The following DGLUCY variants were observed in gnomAD, a reference collection of about 807,000 sequenced individuals.
DGLUCY encodes D-glutamate cyclase.
In DGLUCY, 58 loss-of-function variants were observed where a neutral mutation model predicts 58.5. That is an observed-to-expected ratio of 0.99 (90% CI 0.80 to 1.23). The LOEUF is 1.23. DGLUCY is among the 50% of genes most tolerant of loss of function. The probability of loss-of-function intolerance (pLI) is 0.00; values close to 1 mark genes in which losing one functional copy is unlikely to be tolerated. For missense variants in DGLUCY, 779 were observed against 784.7 expected (o/e 0.99, Z 0.09); for synonymous variants, 325 against 314.1 (o/e 1.03, Z -0.37).
At chr14:91,156,124 T>A (rs1039754997) in intron 1 of DGLUCY, among the ~76,000 whole-genome samples, 1 of 151,898 alleles carries the variant, frequency 6.6e-6, no homozygotes, top group Non-Finnish European at 1.5e-5. Flanking sequence ...TTCTTTTTTT[T>A]TTTTTTTGAG....
At chr14:91,149,397 A>T (rs1566967159) in intron 1 of DGLUCY, among the ~76,000 whole-genome samples, 1 of 152,082 alleles carries the variant, frequency 6.6e-6, no homozygotes, top group African/African-American at 2.4e-5. Flanking sequence ...AGTGATGGAG[A>T]TGTGTGGAGC....
intron 1 of DGLUCY, among the ~76,000 whole-genome samples, chr14:91,128,496 AC>A (rs2045852661): frequency 6.6e-6 from 1 of 152,060 alleles, no homozygotes. Flanking sequence ...TCTGTCTCAA[AC>A]CAAAAAAATA....
chr14:91,115,426 T>C lies in DGLUCY; in HGVS notation c.-82+1143T>C, dbSNP rs560044168. Reference sequence around the variant, plus strand: ...CATAATTATGAGGAAGCACCTTTTTTTCCCCCCTTCATTTTGAGACGGAGT... The same window carrying C: ...CATAATTATGAGGAAGCACCTTTTTCTCCCCCCTTCATTTTGAGACGGAGT... On this transcript the variant is annotated intron_variant, in intron 1 of 13. Transcript: ENST00000256324. Among the ~76,000 whole-genome samples, 5 of 152,132 alleles carry C rather than the reference T, an allele frequency of 3.3e-5. No homozygotes were observed. In the South Asian group the frequency reaches 8.3e-4, roughly 25 times the overall value.
chr14:91,117,294 A>G (rs1368035823), intron 1 of DGLUCY, among the ~76,000 whole-genome samples: 1 of 152,162 alleles, frequency 6.6e-6, no homozygotes, highest in African/African-American at 2.4e-5. Flanking sequence ...AAAGTGTTTT[A>G]TCAGCAGGGT....
In DGLUCY at chr14:91,173,352, AT is replaced by A; in HGVS notation, c.522del (p.Lys176ArgfsTer59). ...CCCTCTGGTGGTCACGATGAGGCCC[AT>A]TCCCAAGGACAAGCTGGAAGGGCTG... is the stretch of plus-strand genomic sequence containing the variant. ...CCPLVVTMRP[I>X]PKDKLEGLVR... On this transcript the variant is annotated frameshift_variant, in exon 6 of 14. Coordinates refer to ENST00000256324, the MANE Select transcript of DGLUCY (RefSeq NM_001102368.3). LOFTEE classifies it high-confidence loss of function. 6.2e-7 allele frequency: 1 copy of A among 1,611,708 alleles called. No homozygotes were observed.
At chr14:91,212,390 T>G (rs72699650) in intron 12 of DGLUCY, among the ~76,000 whole-genome samples, 2,315 of 152,306 alleles carry the variant, frequency 0.015, 36 homozygotes, top group South Asian at 0.027. Flanking sequence ...TCTCTGTGTC[T>G]GTTTCCCAGT....
At chr14:91,083,451 G>A (rs1174550106) in intron 1 of DGLUCY, among the ~76,000 whole-genome samples, 2 of 151,690 alleles carry the variant, frequency 1.3e-5, no homozygotes, top group Admixed American at 6.6e-5. Flanking sequence ...GAACCTGGGA[G>A]GCAGGGTTTG....
chr14:91,155,616 C>T (rs1441885720), intron 1 of DGLUCY, among the ~76,000 whole-genome samples: 2 of 152,018 alleles, frequency 1.3e-5, no homozygotes, highest in African/African-American at 2.4e-5. Flanking sequence ...TTAAGACCAG[C>T]CCCGTCTCTA....
chr14:91,166,547 C>T (rs1454085624), intron 3 of DGLUCY, among the ~76,000 whole-genome samples: 1 of 152,148 alleles, frequency 6.6e-6, no homozygotes, highest in East Asian at 1.9e-4. Flanking sequence ...CACCTATAGT[C>T]CCAGCTACTT....
intron 1 of DGLUCY, among the ~76,000 whole-genome samples, chr14:91,095,393 G>A (rs1318170296): frequency 1.3e-5 from 2 of 152,198 alleles, no homozygotes; most frequent in African/African-American, 4.8e-5. Context: ...TGCCTGGCTC[G>A]CTTCCTGCCA....
chr14:91,091,222 C>T (rs772851149), intron 1 of DGLUCY: 3 of 152,002 alleles, frequency 2.0e-5, no homozygotes, highest in Non-Finnish European at 2.9e-5. Flanking sequence ...GGAAAGCCCC[C>T]CTCAAAAAAA....
upstream of DGLUCY, among the ~76,000 whole-genome samples, chr14:91,111,550 G>A (rs1280519616): frequency 6.6e-6 from 1 of 152,016 alleles, no homozygotes. Context: ...CAAAGTACTG[G>A]GATTACAGGC....
At chr14:91,097,626 C>T (rs183859511) in intron 1 of DGLUCY, among the ~76,000 whole-genome samples, 1 of 152,080 alleles carries the variant, frequency 6.6e-6, no homozygotes, top group Non-Finnish European at 1.5e-5. Context: ...CCACCCTCAC[C>T]TTGACCCCAT....
At position 91,096,054 on chromosome 14, in the gene DGLUCY, T is replaced by C. The variant is rs117869213; in HGVS notation, c.-82+35350T>C. On this transcript the variant is annotated intron_variant, in intron 1 of 4. Transcript: ENST00000521334. Reference sequence around the variant, plus strand: ...TCAAAGGAATGACAAGGATTTCAGATGCTAGTATTTGGTAGTGGGAATGTT... The same window carrying C: ...TCAAAGGAATGACAAGGATTTCAGACGCTAGTATTTGGTAGTGGGAATGTT... Among the ~76,000 whole-genome samples, 105 of 152,246 alleles carry C rather than the reference T, an allele frequency of 6.9e-4. 1 individual carries two copies. The highest frequency in any genetic ancestry group is 3.4e-3 in the Middle Eastern group (1 of 294).
At chr14:91,215,262 T>C in intron 12 of DGLUCY, 143 bp from the exon 13 acceptor site, 1 of 1,372,314 alleles carries the variant, frequency 7.3e-7, no homozygotes, top group South Asian at 1.8e-5. Context: ...GGCCAAAGAA[T>C]TTGTGTTTCT....
At chr14:91,137,671 A>AG (rs1291937496) in intron 1 of DGLUCY, among the ~76,000 whole-genome samples, 2 of 151,814 alleles carry the variant, frequency 1.3e-5, no homozygotes, top group Non-Finnish European at 2.9e-5. Context: ...CTGGGATCAT[A>AG]GGCGTGAGAC....
chr14:91,094,474 A>G (rs992267789), intron 1 of DGLUCY, among the ~76,000 whole-genome samples: 1 of 150,498 alleles, frequency 6.6e-6, no homozygotes, highest in Non-Finnish European at 1.5e-5. Context: ...TGGAAACAGG[A>G]TCCCAGAGGC....
intron 1 of DGLUCY, among the ~76,000 whole-genome samples, chr14:91,102,736 A>AGTGT (rs1288611586): frequency 0.095 from 5,733 of 60,634 alleles, 165 homozygotes; most frequent in Admixed American, 0.16. Flanking sequence ...GACCCCTTCC[A>AGTGT]GTGTGTATGT....
In DGLUCY at chr14:91,173,346, A is replaced by C. The variant is rs2048677383; in HGVS notation, c.514A>C (p.Arg172=). ...GFCCPLVVTM[R]PIPKDKLEGL... ...CTGCTGCCCTCTGGTGGTCACGATG[A>C]GGCCCATTCCCAAGGACAAGCTGGA... The change falls in exon 6 of 14, where the codon AGG becomes CGG. Residue 172 remains arginine (R), a synonymous_variant. Transcript: ENST00000256324. 2 of 1,612,546 alleles carry C rather than the reference A, an allele frequency of 1.2e-6. No individual in the cohort carries two copies. The highest frequency in any genetic ancestry group is 1.7e-6 in the Non-Finnish European group (2 of 1,179,816).
Sources: allele counts gnomAD v4.1 joint callset (sites outside exome capture counted in the v4.1 genomes callset), GRCh38; gene constraint gnomAD v4.1.1; transcripts MANE v1.5; gene names NCBI Gene and HGNC (gene_info 2026-07-23, HGNC 2026-07-21).